The following B4GALT5 variants were observed in gnomAD, a reference collection of about 807,000 sequenced individuals.
B4GALT5 encodes beta-1,4-galactosyltransferase 5.
In B4GALT5, 11 loss-of-function variants were observed where a neutral mutation model predicts 45.0. The ratio of observed to expected loss-of-function variants is 0.24; its 90% CI spans 0.15 to 0.40. The LOEUF (loss-of-function observed/expected upper bound fraction) is 0.40. Ranked by LOEUF, B4GALT5 falls within the 10% of genes least tolerant of loss-of-function variation. The pLI is 1.00. For missense variants in B4GALT5, 337 were observed against 500.2 expected (o/e 0.67, Z 3.11); for synonymous variants, 185 against 182.9 (o/e 1.01, Z -0.09).
intron 1 of B4GALT5, among the ~76,000 whole-genome samples, chr20:49,666,334 G>A (rs1011223098): frequency 1.3e-5 from 2 of 152,204 alleles, no homozygotes; most frequent in Non-Finnish European, 2.9e-5. Flanking sequence ...AGACACAACT[G>A]ACCAGAGCCA....
intron 1 of B4GALT5, among the ~76,000 whole-genome samples, chr20:49,697,401 G>A (rs2085843815): frequency 6.6e-6 from 1 of 152,208 alleles, no homozygotes; most frequent in African/African-American, 2.4e-5. Context: ...TGAAGGATGG[G>A]ACAATGGGAA....
At chr20:49,643,391 A>C in intron 4 of B4GALT5, 135 bp downstream of exon 4, 1 of 1,209,952 alleles carries the variant, frequency 8.3e-7, no homozygotes, top group Non-Finnish European at 1.1e-6. Context: ...ATTCCTCTAA[A>C]ATGTTTCTAC....
At chr20:49,675,017 C>T (rs2085731678) in intron 1 of B4GALT5, among the ~76,000 whole-genome samples, 1 of 151,994 alleles carries the variant, frequency 6.6e-6, no homozygotes, top group Admixed American at 6.5e-5. Context: ...ATTTCAAAAG[C>T]AAAAAATCCC....
At chr20:49,646,304 A>T (rs1348898334) in intron 3 of B4GALT5, among the ~76,000 whole-genome samples, 1 of 152,218 alleles carries the variant, frequency 6.6e-6, no homozygotes, top group East Asian at 1.9e-4. Context: ...GTCATGTCTC[A>T]GGCCTTCACG....
intron 1 of B4GALT5, among the ~76,000 whole-genome samples, chr20:49,702,453 T>C (rs2085866089): frequency 6.6e-6 from 1 of 152,218 alleles, no homozygotes; most frequent in Non-Finnish European, 1.5e-5. Flanking sequence ...TAAAAACTTT[T>C]TTGTGCATCA....
chr20:49,643,463 T>G, intron 4 of B4GALT5, 63 bp downstream of exon 4: 9 of 1,596,018 alleles, frequency 5.6e-6, no homozygotes, highest in Non-Finnish European at 7.7e-6. Flanking sequence ...CCCATGGTGA[T>G]TCGGACCAAA....
intron 1 of B4GALT5, among the ~76,000 whole-genome samples, chr20:49,659,594 G>T (rs1249844275): frequency 6.6e-6 from 1 of 152,094 alleles, no homozygotes; most frequent in Non-Finnish European, 1.5e-5. Flanking sequence ...AAAACTGAGG[G>T]AGTAAAGATT....
intron 2 of B4GALT5, among the ~76,000 whole-genome samples, chr20:49,655,506 T>A (rs1365471597): frequency 6.6e-6 from 1 of 152,150 alleles, no homozygotes; most frequent in Non-Finnish European, 1.5e-5. Context: ...GAATCCTTAG[T>A]AAGATGAAAT....
At chr20:49,662,119 C>T (rs141898668) in intron 1 of B4GALT5, among the ~76,000 whole-genome samples, 1 of 152,178 alleles carries the variant, frequency 6.6e-6, no homozygotes, top group Non-Finnish European at 1.5e-5. Context: ...AGGAAAACCT[C>T]CTCCTTTCTC....
At chr20:49,674,002 CCGAGGTGGGCGGATCA>C (rs2085726595) in intron 1 of B4GALT5, among the ~76,000 whole-genome samples, 1 of 148,212 alleles carries the variant, frequency 6.7e-6, no homozygotes, top group Non-Finnish European at 1.5e-5. Context: ...CTTTGGGAGG[CCGAGGTGGGCGGATCA>C]CGAGGTCAGG....
At chr20:49,656,995 A>G (rs951995128) in intron 1 of B4GALT5, among the ~76,000 whole-genome samples, 3 of 152,182 alleles carry the variant, frequency 2.0e-5, no homozygotes, top group Non-Finnish European at 2.9e-5. Context: ...TCTGTATTCT[A>G]GCACTCTGAT....
At chr20:49,708,723 A>C (rs1385363636) in intron 1 of B4GALT5, among the ~76,000 whole-genome samples, 2 of 152,160 alleles carry the variant, frequency 1.3e-5, no homozygotes, top group Non-Finnish European at 2.9e-5. Flanking sequence ...CAAGGTGGGC[A>C]GACCACGAGG....
intron 1 of B4GALT5, 65 bp from the exon 2 acceptor site, chr20:49,656,767 C>T: frequency 1.3e-6 from 2 of 1,591,262 alleles, no homozygotes; most frequent in Non-Finnish European, 1.7e-6. Flanking sequence ...AAACATACCA[C>T]ATAGCTATGG....
In B4GALT5 at chr20:49,655,859, G is replaced by C. The variant is rs537540619; in HGVS notation, c.250+709C>G. ...CACGAGTATCACTTGAACTGGGGAA[G>C]TGGAGGTTGCAGTGAGCCGAAATCA... is the stretch of plus-strand genomic sequence containing the variant. On this transcript the variant is annotated intron_variant, in intron 2 of 8. Coordinates refer to ENST00000371711, the MANE Select transcript of B4GALT5 (RefSeq NM_004776.4). Among the ~76,000 whole-genome samples, 3 of 150,246 alleles carry C rather than the reference G, an allele frequency of 2.0e-5. No individual in the cohort carries two copies. In the East Asian group the frequency reaches 5.9e-4, roughly 29 times the overall value.
In B4GALT5 at chr20:49,643,642, T is replaced by C. The variant is rs200335651; in HGVS notation, c.373A>G (p.Ile125Val). The C allele has an allele frequency of 8.1e-5, 130 of 1,613,716 alleles. No individual in the cohort carries two copies. Among genetic ancestry groups the C allele is most frequent in the Admixed American group, 2.0e-4 (12 of 59,978 alleles). Residue 125 changes from isoleucine to valine, a missense_variant, in exon 4 of 9, where the codon ATA (isoleucine) becomes GTA (valine). By Grantham distance (29) the Ile-to-Val change is conservative. Around this residue, in one of 2 missense-constraint regions of B4GALT5, gnomAD observed 174 missense variants for 207.4 expected, o/e 0.84. Transcript: ENST00000371711. ...CCAATTTCACTCATGTTTATGTCTA[T>C]TGGGCCCTCTGAACAGAGACGGGGA... ...PERLPSMKGPIDINMSEIGMD... is the reference protein window; with the variant it reads ...PERLPSMKGPVDINMSEIGMD...
chr20:49,637,210 C>G (rs1192600536), intron 8 of B4GALT5, 131 bp downstream of exon 8: 10 of 757,244 alleles, frequency 1.3e-5, no homozygotes, highest in Non-Finnish European at 2.1e-5. Context: ...ATACATGCAA[C>G]AGCTGTCAAA....
intron 1 of B4GALT5, among the ~76,000 whole-genome samples, chr20:49,660,703 C>T (rs1029225603): frequency 2.0e-5 from 3 of 152,068 alleles, no homozygotes; most frequent in African/African-American, 7.2e-5. Context: ...GTCTTGTTAC[C>T]GGTTGGGCGC....
At position 49,675,134 on chromosome 20, in the gene B4GALT5, T is replaced by C. The variant is rs569007929; in HGVS notation, c.116-18432A>G. On this transcript the variant is annotated intron_variant, in intron 1 of 8. Transcript: ENST00000371711. The stretch of plus-strand genomic sequence containing the variant: ...AAACCCAACTTTGCCTCCCTTCCCC[T>C]TCCACGAGCAGCCTGGTGGCTGGCT... Among the ~76,000 whole-genome samples, 6 of 152,338 alleles carry C rather than the reference T, an allele frequency of 3.9e-5. No homozygotes were observed. The South Asian group carries it at 1.2e-3, about 32-fold the overall frequency.
chr20:49,687,644 G>A (rs567796204), intron 1 of B4GALT5, among the ~76,000 whole-genome samples: 135 of 151,868 alleles, frequency 8.9e-4, no homozygotes, highest in African/African-American at 2.9e-3. Flanking sequence ...ACTCTGTCCT[G>A]GGAAAAAATA....
Sources: allele counts gnomAD v4.1 joint callset (sites outside exome capture counted in the v4.1 genomes callset), GRCh38; gene constraint gnomAD v4.1.1; regional missense constraint gnomAD v4.1.1; transcripts MANE v1.5; gene names NCBI Gene and HGNC (gene_info 2026-07-23, HGNC 2026-07-21).